Variants in TENM1 observed in about 807,000 individuals in gnomAD.
TENM1 encodes the protein teneurin transmembrane protein 1, also known as teneurin-1.
TENM1 carries 35 observed loss-of-function variants against 174.8 expected under a neutral mutation model. The ratio of observed to expected loss-of-function variants is 0.20; its 90% CI spans 0.15 to 0.27. The LOEUF (loss-of-function observed/expected upper bound fraction) is 0.27. Ranked by LOEUF, TENM1 falls within the 10% of genes least tolerant of loss-of-function variation. The probability of loss-of-function intolerance (pLI) is 1.00; values close to 1 mark genes in which losing one functional copy is unlikely to be tolerated. For synonymous variants in TENM1, 781 were observed against 798.7 expected, an observed-to-expected ratio of 0.98 and a Z score of 0.37; for missense variants, 1,633 against 2,130.1, an observed-to-expected ratio of 0.77 and a Z score of 4.59.
Position 124,565,372 on chromosome X carries a change from T to C in TENM1, c.2263+3A>G. The C allele has an allele frequency of 8.5e-7, 1 of 1,177,549 alleles. No individual in the cohort carries two copies. Among genetic ancestry groups the C allele is most frequent in the Non-Finnish European group, 1.1e-6 (1 of 875,641 alleles). On this transcript the variant is annotated splice_donor_region_variant and intron_variant, in intron 12 of 31. Transcript: ENST00000422452. ...ACTTTGGTTAAAGTATGGTGGTACT[T>C]ACCAATTGTGCAGTGGTCGCCCTCC...
chrX:125,097,106 AC>A, the TENM1 span, among the ~76,000 whole-genome samples: 9 of 111,251 alleles, frequency 8.1e-5, no homozygotes, highest in African/African-American at 2.6e-4. Context: ...CTCACCAACC[AC>A]CACCACCCTA....
intron 3 of TENM1, among the ~76,000 whole-genome samples, chrX:124,786,118 A>G (rs1251680137): frequency 9.0e-6 from 1 of 111,470 alleles, no homozygotes; most frequent in Non-Finnish European, 1.9e-5. Context: ...AAAGCATAAT[A>G]TATATTCACT....
chrX:124,999,190 C>A, the TENM1 span, among the ~76,000 whole-genome samples: 3 of 110,682 alleles, frequency 2.7e-5, no homozygotes, highest in African/African-American at 9.8e-5. Flanking sequence ...AATTCTGGTT[C>A]TAGTATGTGT....
chrX:124,462,446 T>TGGGGGGG (rs2061188634), intron 22 of TENM1, among the ~76,000 whole-genome samples: 1 of 6,574 alleles, frequency 1.5e-4, no homozygotes, highest in Admixed American at 2.4e-3. Context: ...GGGGTGGGGG[T>TGGGGGGG]GGGGGGGAGG....
At chrX:124,389,992 G>T (rs180763111) in intron 28 of TENM1, among the ~76,000 whole-genome samples, 1 of 111,598 alleles carries the variant, frequency 9.0e-6, no homozygotes, top group Non-Finnish European at 1.9e-5. Flanking sequence ...CAAATAAGCT[G>T]GTTTGTCTCA....
the TENM1 span, among the ~76,000 whole-genome samples, chrX:125,159,200 T>C: frequency 8.9e-6 from 1 of 111,988 alleles, no homozygotes; most frequent in Admixed American, 9.5e-5. Flanking sequence ...AGCTGTAGAC[T>C]CTCACTTTTG....
At chrX:124,976,264 T>C in the TENM1 span, among the ~76,000 whole-genome samples, 1 of 111,863 alleles carries the variant, frequency 8.9e-6, no homozygotes, top group Admixed American at 9.5e-5. Flanking sequence ...TTATAATATG[T>C]TTCCTTATTT....
intron 27 of TENM1, among the ~76,000 whole-genome samples, chrX:124,399,005 C>T (rs1472668639): frequency 1.8e-5 from 2 of 112,523 alleles, no homozygotes; most frequent in African/African-American, 6.5e-5. Flanking sequence ...CTGTAATTTA[C>T]AATCACATAC....
At chrX:124,996,341 T>C in the TENM1 span, among the ~76,000 whole-genome samples, 1 of 110,799 alleles carries the variant, frequency 9.0e-6, no homozygotes, top group Admixed American at 9.7e-5. Flanking sequence ...AACTTACAGA[T>C]GTAGTTGGGT....
the TENM1 span, among the ~76,000 whole-genome samples, chrX:125,184,247 T>A: frequency 3.6e-5 from 4 of 112,112 alleles, no homozygotes; most frequent in African/African-American, 1.3e-4. Context: ...AAGACTAACA[T>A]TTTCCACACA....
At chrX:125,022,227 T>A in the TENM1 span, among the ~76,000 whole-genome samples, 4 of 111,983 alleles carry the variant, frequency 3.6e-5, no homozygotes, top group Non-Finnish European at 7.5e-5. Context: ...TTACACTCAT[T>A]AGCTGAAAGA....
chrX:124,906,573 AC>A (rs1374462404), intron 1 of TENM1, among the ~76,000 whole-genome samples: 1 of 111,658 alleles, frequency 9.0e-6, no homozygotes, highest in African/African-American at 3.3e-5. Flanking sequence ...CTCAATATTT[AC>A]CAAAGATAAA....
intron 22 of TENM1, among the ~76,000 whole-genome samples, chrX:124,480,216 C>T (rs1037741829): frequency 7.2e-5 from 8 of 111,613 alleles, no homozygotes; most frequent in Non-Finnish European, 1.3e-4. Context: ...TTCATGAAAG[C>T]ACTGGAAGCA....
At chrX:125,021,103 G>A in the TENM1 span, among the ~76,000 whole-genome samples, 13,914 of 108,699 alleles carry the variant, frequency 0.13, 750 homozygotes, top group Middle Eastern at 0.17. Flanking sequence ...AAGAAATTAG[G>A]TTTTTTTTGC....
At chrX:124,481,703 A>ATATC in intron 22 of TENM1, 29 bp downstream of exon 25, 1 of 350,982 alleles carries the variant, frequency 2.8e-6, no homozygotes, top group Non-Finnish European at 4.7e-6. Flanking sequence ...GGGTATATAT[A>ATATC]TATATATATT....
intron 5 of TENM1, among the ~76,000 whole-genome samples, chrX:124,685,731 G>C (rs2052347782): frequency 9.1e-6 from 1 of 110,414 alleles, no homozygotes; most frequent in African/African-American, 3.3e-5. Flanking sequence ...GGCTAATTTT[G>C]TATTTTTAGT....
the TENM1 span, among the ~76,000 whole-genome samples, chrX:125,003,460 ATAG>A: frequency 9.8e-5 from 11 of 111,759 alleles, no homozygotes; most frequent in African/African-American, 3.6e-4. Flanking sequence ...CAATAAGTTA[ATAG>A]TAGAGTACAA....
chrX:124,854,610 T>C (rs2056781180), intron 3 of TENM1, among the ~76,000 whole-genome samples: 1 of 112,103 alleles, frequency 8.9e-6, no homozygotes, highest in South Asian at 3.7e-4. Flanking sequence ...GTCTAGCACA[T>C]ATAGTATCAT....
the TENM1 span, among the ~76,000 whole-genome samples, chrX:124,975,909 T>C: frequency 2.7e-5 from 3 of 111,232 alleles, no homozygotes; most frequent in Non-Finnish European, 5.7e-5. Flanking sequence ...CCCAACTTTA[T>C]GACAAAATAG....
Sources: gnomAD v4.1 joint callset for allele counts (sites outside exome capture counted in the v4.1 genomes callset) on GRCh38, gnomAD v4.1.1 for gene constraint, MANE v1.5 for transcripts, NCBI Gene and HGNC (gene_info 2026-07-23, HGNC 2026-07-21) for gene names.